MELK: variants seen among roughly 807,000 people sequenced by gnomAD.
MELK encodes the protein maternal embryonic leucine zipper kinase.
Under a neutral mutation model 85.0 loss-of-function variants are expected in MELK, and 81 were observed. That is an observed-to-expected ratio of 0.95 (90% CI 0.80 to 1.15). The LOEUF (loss-of-function observed/expected upper bound fraction) is 1.15, where lower values mean the gene tolerates loss of function less well. Among genes scored for constraint, MELK ranks in the 50% most tolerant of loss-of-function variants. The pLI is 0.00. For synonymous variants in MELK, 252 were observed against 265.0 expected (o/e 0.95, Z 0.48); for missense variants, 754 against 777.5 (o/e 0.97, Z 0.36).
intron 8 of MELK, among the ~76,000 whole-genome samples, chr9:36,614,875 C>A (rs957884567): frequency 1.4e-5 from 2 of 148,036 alleles, no homozygotes. Context: ...ATTTCTCAAT[C>A]TTTTCCCCAC....
chr9:36,656,597 A>G (rs552914822), intron 12 of MELK, among the ~76,000 whole-genome samples: 1 of 152,120 alleles, frequency 6.6e-6, no homozygotes, highest in African/African-American at 2.4e-5. Context: ...TAAAATTATA[A>G]TACCATGTTT....
At chr9:36,643,866 G>A (rs747661215) in intron 11 of MELK, among the ~76,000 whole-genome samples, 6 of 151,108 alleles carry the variant, frequency 4.0e-5, no homozygotes, top group African/African-American at 1.2e-4. Context: ...CCTGGGAGGC[G>A]GAGTTTGCAG....
chr9:36,642,398 C>T (rs182140764), intron 10 of MELK, among the ~76,000 whole-genome samples: 23 of 149,874 alleles, frequency 1.5e-4, no homozygotes, highest in Admixed American at 8.0e-4. Flanking sequence ...AGTATACAGT[C>T]CCTGGGCTGT....
intron 8 of MELK, among the ~76,000 whole-genome samples, chr9:36,628,863 CTTT>C (rs869033969): frequency 1.6e-5 from 2 of 127,906 alleles, no homozygotes; most frequent in African/African-American, 3.0e-5. Context: ...TTTGTATTTT[CTTT>C]TTTTTTTTTT....
intron 10 of MELK, among the ~76,000 whole-genome samples, chr9:36,642,362 A>G (rs1829831695): frequency 6.7e-6 from 1 of 150,226 alleles, no homozygotes; most frequent in African/African-American, 2.5e-5. Context: ...GAAAATACCA[A>G]TGCAGGTCTT....
At chr9:36,651,668 A>G in intron 11 of MELK, 78 bp from the exon 12 acceptor site, 1 of 1,523,800 alleles carries the variant, frequency 6.6e-7, no homozygotes, top group Non-Finnish European at 8.9e-7. Context: ...TACACTGAAG[A>G]AAAAAATTAA....
At position 36,630,305 on chromosome 9, in the gene MELK, A is replaced by C; in HGVS notation, c.673A>C (p.Lys225Gln). ...AAATGCTTTGTTTTTGTAGAGAGGA[A>C]AATATGATGTTCCCAAGTGGCTCTC... ...MALYKKIMRGKYDVPKWLSPS... is the reference protein window; with the variant it reads ...MALYKKIMRGQYDVPKWLSPS... Residue 225 changes from lysine (K) to glutamine (Q), a missense_variant, in exon 9 of 18, where the codon AAA becomes CAA. Lys to Gln is a moderately conservative substitution (Grantham distance 53). Transcript: ENST00000298048. The C allele has an allele frequency of 6.2e-7, 1 of 1,611,770 alleles. No individual in the cohort carries two copies. Among genetic ancestry groups the C allele is most frequent in the South Asian group, 1.1e-5 (1 of 90,952 alleles).
intron 8 of MELK, among the ~76,000 whole-genome samples, chr9:36,627,124 G>A (rs543241216): frequency 9.9e-5 from 15 of 151,202 alleles, no homozygotes; most frequent in African/African-American, 3.7e-4. Context: ...GAAGGATGGA[G>A]GCAGATAGGT....
chr9:36,578,968 G>C (rs972957762), intron 1 of MELK, among the ~76,000 whole-genome samples: 5 of 151,720 alleles, frequency 3.3e-5, no homozygotes, highest in African/African-American at 9.7e-5. Flanking sequence ...TCAGCCTCCC[G>C]AGTAGCTGGG....
intron 8 of MELK, among the ~76,000 whole-genome samples, chr9:36,614,682 A>G (rs201703016): frequency 0.095 from 10,045 of 106,190 alleles, 506 homozygotes; most frequent in Middle Eastern, 0.19. Flanking sequence ...AACAAAGCAC[A>G]TCTTGCACCG....
chr9:36,654,711 G>T (rs551203173), intron 12 of MELK, among the ~76,000 whole-genome samples: 185 of 152,044 alleles, frequency 1.2e-3, no homozygotes, highest in Middle Eastern at 3.4e-3. Flanking sequence ...TATATGAGTT[G>T]TAAGTGGAAA....
intron 14 of MELK, among the ~76,000 whole-genome samples, chr9:36,666,079 G>C (rs1405986179): frequency 6.6e-6 from 1 of 152,102 alleles, no homozygotes; most frequent in Non-Finnish European, 1.5e-5. Flanking sequence ...CAGCAGGCAG[G>C]GTGAATCCAT....
At chr9:36,607,390 G>A (rs1030017862) in intron 7 of MELK, among the ~76,000 whole-genome samples, 185 bp from the exon 8 acceptor site, 4 of 152,170 alleles carry the variant, frequency 2.6e-5, no homozygotes, top group Non-Finnish European at 5.9e-5. Context: ...AATTGACTGG[G>A]TGACTTTAGG....
chr9:36,606,685 A>G (rs1232896789), intron 7 of MELK: 4 of 147,950 alleles, frequency 2.7e-5, no homozygotes, highest in African/African-American at 4.9e-5. Flanking sequence ...ATATATATGT[A>G]TACATGTATG....
chr9:36,655,321 G>T (rs911093830), intron 12 of MELK, among the ~76,000 whole-genome samples: 4 of 152,152 alleles, frequency 2.6e-5, no homozygotes, highest in Admixed American at 6.5e-5. Flanking sequence ...AGGTTAGAAA[G>T]ATGGAAAAGA....
Position 36,674,895 on chromosome 9 carries a change from T to C in MELK, c.1736T>C (p.Met579Thr), listed in dbSNP as rs1833210272. 1 of 1,598,978 alleles carries C rather than the reference T, an allele frequency of 6.3e-7. No homozygotes were observed. The highest frequency in any genetic ancestry group is 8.6e-7 in the Non-Finnish European group (1 of 1,166,270). ...CCAGATCAACTGTTGAATGAAATAATGTCTATTCTTCCAAAGAAGCATGTT... is the reference window on the plus strand; with the variant it reads ...CCAGATCAACTGTTGAATGAAATAACGTCTATTCTTCCAAAGAAGCATGTT... Reference protein sequence around the residue: ...VNPDQLLNEIMSILPKKHVDF... With the variant: ...VNPDQLLNEITSILPKKHVDF... Residue 579 changes from methionine (M) to threonine (T), a missense_variant, in exon 17 of 18, where the codon ATG becomes ACG. By Grantham distance (81) the Met-to-Thr change is moderately conservative. Coordinates refer to ENST00000298048, the MANE Select transcript of MELK (RefSeq NM_014791.4).
At chr9:36,643,480 C>T (rs1829947706) in intron 11 of MELK, among the ~76,000 whole-genome samples, 2 of 152,142 alleles carry the variant, frequency 1.3e-5, no homozygotes, top group South Asian at 4.1e-4. Flanking sequence ...AATAGTATAG[C>T]ATTTTCAGAC....
intron 14 of MELK, among the ~76,000 whole-genome samples, chr9:36,669,092 A>G (rs1832649522): frequency 6.6e-6 from 1 of 152,108 alleles, no homozygotes; most frequent in Non-Finnish European, 1.5e-5. Flanking sequence ...GAAGAAAAAA[A>G]AGAAGAGCCA....
chr9:36,599,300 C>CAAA (rs34715003), intron 6 of MELK, 94 bp from the exon 7 acceptor site: 722 of 378,942 alleles, frequency 1.9e-3, no homozygotes, highest in African/African-American at 3.2e-3. Flanking sequence ...GACTCCGTCT[C>CAAA]AAAAAAAAAA....
Sources: gnomAD v4.1 joint callset for allele counts (sites outside exome capture counted in the v4.1 genomes callset) on GRCh38, gnomAD v4.1.1 for gene constraint, MANE v1.5 for transcripts, NCBI Gene and HGNC (gene_info 2026-07-23, HGNC 2026-07-21) for gene names.